SNX18: variants seen among roughly 807,000 people sequenced by gnomAD.
The protein encoded by SNX18 is sorting nexin-18.
SNX18 carries 35 observed loss-of-function variants against 48.7 expected under a neutral mutation model. The ratio of observed to expected loss-of-function variants is 0.72; its 90% confidence interval spans 0.55 to 0.95. The LOEUF (loss-of-function observed/expected upper bound fraction) is 0.95, where lower values mean the gene tolerates loss of function less well. SNX18 is among the 40% of genes least tolerant of loss of function. SNX18 has a pLI of 0.00. For missense variants in SNX18, 824 were observed against 871.0 expected, an observed-to-expected ratio of 0.95 and a Z score of 0.68; for synonymous variants, 492 against 384.7, an observed-to-expected ratio of 1.28 and a Z score of -3.26.
the SNX18 span, among the ~76,000 whole-genome samples, chr5:54,584,527 G>A: frequency 6.6e-6 from 1 of 152,166 alleles, no homozygotes; most frequent in Non-Finnish European, 1.5e-5. Context: ...ATTTGCATAG[G>A]TGGAGTGTGG....
chr5:54,626,877 G>C, the SNX18 span, among the ~76,000 whole-genome samples: 1 of 152,212 alleles, frequency 6.6e-6, no homozygotes, highest in Non-Finnish European at 1.5e-5. Flanking sequence ...AATATAAAGA[G>C]GTCCAAGCTT....
chr5:54,582,296 A>G, the SNX18 span, among the ~76,000 whole-genome samples: 1 of 152,168 alleles, frequency 6.6e-6, no homozygotes, highest in Non-Finnish European at 1.5e-5. Context: ...ATGGTAGCAG[A>G]TGCCTGTATC....
the SNX18 span, among the ~76,000 whole-genome samples, chr5:54,624,281 C>G: frequency 1.3e-5 from 2 of 152,172 alleles, no homozygotes; most frequent in African/African-American, 4.8e-5. Flanking sequence ...TCCTGGTATT[C>G]AAGTTCTCAC....
At chr5:54,614,719 G>A in the SNX18 span, among the ~76,000 whole-genome samples, 9 of 152,182 alleles carry the variant, frequency 5.9e-5, no homozygotes, top group African/African-American at 1.9e-4. Context: ...TCTGGAGGCT[G>A]AGGTGGGAGG....
chr5:54,603,167 T>G, the SNX18 span, among the ~76,000 whole-genome samples: 1 of 151,570 alleles, frequency 6.6e-6, no homozygotes, highest in East Asian at 1.9e-4. Context: ...TGTAAATATA[T>G]TATTATTATA....
At chr5:54,579,707 A>C in the SNX18 span, among the ~76,000 whole-genome samples, 1 of 152,190 alleles carries the variant, frequency 6.6e-6, no homozygotes, top group African/African-American at 2.4e-5. Context: ...AGTGACTAGA[A>C]TTATCATAGA....
chr5:54,527,381 C>G, intron 1 of SNX18, among the ~76,000 whole-genome samples: 1 of 151,358 alleles, frequency 6.6e-6, no homozygotes, highest in Admixed American at 6.6e-5. Flanking sequence ...CCCCCTCCAG[C>G]TATATTTTGG....
downstream of SNX18, among the ~76,000 whole-genome samples, chr5:54,548,823 G>T (rs1017873846): frequency 1.3e-5 from 2 of 152,158 alleles, no homozygotes; most frequent in Admixed American, 1.3e-4. Context: ...CTCAGTATCT[G>T]CAGGGCATTG....
rs2111587378 is a variant in SNX18 at position 54,538,958 on chromosome 5, G to GTAGCTCT, written c.1622-4220_1622-4214dup. ...GAGACATAATCTTCCTTGATTACACGTAGCTCTCCTTACTCTTTAAATTTG... is the reference window on the plus strand; with the variant it reads ...GAGACATAATCTTCCTTGATTACACGTAGCTCTTAGCTCTCCTTACTCTTTAAATTTG... On this transcript the variant is annotated intron_variant, in intron 1 of 1. Coordinates refer to ENST00000381410, the MANE Select transcript of SNX18 (RefSeq NM_001102575.2). 2.0e-5 allele frequency among the ~76,000 whole-genome samples: 3 copies of GTAGCTCT among 152,252 alleles called. No homozygotes were observed. In the East Asian group the frequency reaches 5.8e-4, roughly 29 times the overall value.
At chr5:54,646,282 CTTCTGCTGCTT>C in the SNX18 span, among the ~76,000 whole-genome samples, 1 of 151,986 alleles carries the variant, frequency 6.6e-6, no homozygotes, top group Non-Finnish European at 1.5e-5. Flanking sequence ...TTTTTCTTTT[CTTCTGCTGCTT>C]TTCTGAAACA....
chr5:54,539,385 GA>G (rs1207324629), intron 1 of SNX18, among the ~76,000 whole-genome samples: 2 of 152,210 alleles, frequency 1.3e-5, no homozygotes, highest in Admixed American at 6.5e-5. Flanking sequence ...ACAGTAGATG[GA>G]AAGTGCCTAG....
At chr5:54,596,897 G>T in the SNX18 span, among the ~76,000 whole-genome samples, 1 of 152,148 alleles carries the variant, frequency 6.6e-6, no homozygotes, top group African/African-American at 2.4e-5. Flanking sequence ...CTGGTGACCA[G>T]AGAGGTCTCT....
At chr5:54,540,220 T>C (rs200889795) in intron 1 of SNX18, among the ~76,000 whole-genome samples, 2 of 151,570 alleles carry the variant, frequency 1.3e-5, no homozygotes, top group African/African-American at 4.9e-5. Flanking sequence ...TCTTTTTTTT[T>C]TTCTTCTTTG....
At chr5:54,628,903 C>T in the SNX18 span, among the ~76,000 whole-genome samples, 1 of 152,204 alleles carries the variant, frequency 6.6e-6, no homozygotes, top group Non-Finnish European at 1.5e-5. Flanking sequence ...GTGTCTCCCC[C>T]TCGAGAAAAC....
At chr5:54,638,752 G>C in the SNX18 span, among the ~76,000 whole-genome samples, 1 of 152,058 alleles carries the variant, frequency 6.6e-6, no homozygotes, top group Admixed American at 6.6e-5. Flanking sequence ...TACCTGTATA[G>C]ATAAAGAAAA....
the SNX18 span, among the ~76,000 whole-genome samples, chr5:54,622,429 G>C: frequency 2.3e-4 from 35 of 151,668 alleles, 1 homozygote; most frequent in Non-Finnish European, 4.9e-4. Flanking sequence ...AGCCCAGGAG[G>C]TTGAGGCTGC....
chr5:54,562,570 G>A, the SNX18 span, among the ~76,000 whole-genome samples: 40 of 152,216 alleles, frequency 2.6e-4, no homozygotes, highest in Middle Eastern at 6.8e-3. Flanking sequence ...AGCACAACGC[G>A]TTTCTCCTGT....
At chr5:54,632,850 T>G in the SNX18 span, among the ~76,000 whole-genome samples, 1 of 152,146 alleles carries the variant, frequency 6.6e-6, no homozygotes, top group Non-Finnish European at 1.5e-5. Flanking sequence ...CTTGCCTTAC[T>G]GCAACCTCTG....
At chr5:54,553,199 G>C in the SNX18 span, among the ~76,000 whole-genome samples, 1 of 152,208 alleles carries the variant, frequency 6.6e-6, no homozygotes, top group African/African-American at 2.4e-5. Context: ...GGGGCTCCCA[G>C]GGGCGTTGAG....
Sources: allele counts gnomAD v4.1 joint callset (sites outside exome capture counted in the v4.1 genomes callset), GRCh38; gene constraint gnomAD v4.1.1; transcripts MANE v1.5; gene names NCBI Gene and HGNC (gene_info 2026-07-23, HGNC 2026-07-21).